Variants in WWTR1 observed in about 807,000 individuals in gnomAD.
WWTR1 encodes the protein WW domain-containing transcription regulator protein 1.
In WWTR1, 13 loss-of-function variants were observed where a neutral mutation model predicts 40.1. The observed-to-expected ratio is 0.32, with a 90% CI of 0.21 to 0.52. WWTR1 has a LOEUF of 0.52. Ranked by LOEUF, WWTR1 falls within the 20% of genes least tolerant of loss-of-function variation. The pLI, the probability that WWTR1 is intolerant of heterozygous loss-of-function variation, is 0.97. For synonymous variants in WWTR1, 230 were observed against 210.1 expected, an observed-to-expected ratio of 1.09 and a Z score of -0.82; for missense variants, 436 against 523.1, an observed-to-expected ratio of 0.83 and a Z score of 1.63.
intron 4 of WWTR1, among the ~76,000 whole-genome samples, chr3:149,530,759 A>C (rs1444592061): frequency 6.6e-6 from 1 of 152,198 alleles, no homozygotes; most frequent in Non-Finnish European, 1.5e-5. Flanking sequence ...AGAGAACAGA[A>C]GCTCTAGTCT....
chr3:149,703,880 C>A (rs535943550), upstream of WWTR1, among the ~76,000 whole-genome samples: 1 of 152,182 alleles, frequency 6.6e-6, no homozygotes, highest in Admixed American at 6.5e-5. Context: ...CAGATGCTGG[C>A]GCATGCTTCT....
In WWTR1 at chr3:149,543,580, C is replaced by CAAAAAAAAAAAA. The variant is rs755442408; in HGVS notation, c.569-1055_569-1044dup. ...CTGGTGACAAAGAAAGACTCTGTCT[C>CAAAAAAAAAAAA]AAAAAAAAAAAAAAAAAAAAAAAGA... is the stretch of plus-strand genomic sequence containing the variant. On this transcript the variant is annotated intron_variant, in intron 3 of 6. Coordinates refer to ENST00000360632, the MANE Select transcript of WWTR1 (RefSeq NM_015472.6). 4.8e-3 allele frequency among the ~76,000 whole-genome samples: 151 copies of CAAAAAAAAAAAA among 31,194 alleles called. 21 individuals carry two copies. Among genetic ancestry groups the CAAAAAAAAAAAA allele is most frequent in the East Asian group, 0.01 (8 of 800 alleles). 20.5% of individuals were successfully genotyped at this position (31,194 alleles called of 152,430 possible).
chr3:149,520,898 G>A lies in WWTR1; in HGVS notation c.1110C>T (p.Asp370=), dbSNP rs762326094. The A allele has an allele frequency of 6.2e-7, 1 of 1,613,632 alleles. No individual in the cohort carries two copies. The highest frequency in any genetic ancestry group is 1.1e-5 in the South Asian group (1 of 90,866). Residue 370 remains aspartate (D), a synonymous_variant, in exon 7 of 7, where the codon GAC becomes GAT. Transcript: ENST00000360632. ...GGTCTTCAGATTCCAAAGTTCCTAA[G>A]TCAACGTTTGTTCCTGGAAGACAGT... ...FLDCLPGTNV[D]LGTLESEDLI... is the part of the protein sequence containing the mutation.
At chr3:149,679,502 A>G (rs1347729208) in intron 1 of WWTR1, among the ~76,000 whole-genome samples, 1 of 152,170 alleles carries the variant, frequency 6.6e-6, no homozygotes, top group Non-Finnish European at 1.5e-5. Flanking sequence ...AGTAAACACA[A>G]GAGGAATTTA....
intron 1 of WWTR1, among the ~76,000 whole-genome samples, chr3:149,691,844 G>T (rs1451628269): frequency 6.6e-6 from 1 of 151,700 alleles, no homozygotes; most frequent in African/African-American, 2.4e-5. Flanking sequence ...GTGAAACCCC[G>T]TCTCTACTAA....
chr3:149,521,739 C>A (rs576340858), intron 6 of WWTR1, among the ~76,000 whole-genome samples: 1 of 152,136 alleles, frequency 6.6e-6, no homozygotes, highest in African/African-American at 2.4e-5. Flanking sequence ...TGGGATATGA[C>A]ATGAAGAATA....
intron 1 of WWTR1, among the ~76,000 whole-genome samples, chr3:149,688,220 G>A (rs78876300): frequency 1.3e-5 from 2 of 152,174 alleles, no homozygotes; most frequent in East Asian, 1.9e-4. Flanking sequence ...GCCCTGAAGG[G>A]AAAGACGCAA....
chr3:149,544,835 T>C (rs1455944768), intron 3 of WWTR1, among the ~76,000 whole-genome samples: 1 of 152,206 alleles, frequency 6.6e-6, no homozygotes, highest in Non-Finnish European at 1.5e-5. Flanking sequence ...CTTGCGTTAC[T>C]AAGAGGAAGG....
intron 2 of WWTR1, among the ~76,000 whole-genome samples, chr3:149,620,182 A>C (rs965997312): frequency 2.0e-5 from 3 of 152,166 alleles, no homozygotes; most frequent in Admixed American, 1.3e-4. Context: ...CCATATTCTT[A>C]ACCACTACAC....
upstream of WWTR1, among the ~76,000 whole-genome samples, chr3:149,662,296 C>T (rs1388250238): frequency 6.6e-6 from 1 of 152,146 alleles, no homozygotes; most frequent in Admixed American, 6.5e-5. Context: ...CATTTTAAAT[C>T]GTGTGATACT....
intron 3 of WWTR1, among the ~76,000 whole-genome samples, chr3:149,552,818 GC>G (rs1736667445): frequency 6.6e-6 from 1 of 152,164 alleles, no homozygotes; most frequent in Non-Finnish European, 1.5e-5. Context: ...CAAGTGTACG[GC>G]TTGAAGCAGA....
chr3:149,524,104 T>C (rs1397421056), intron 6 of WWTR1, among the ~76,000 whole-genome samples: 1 of 152,182 alleles, frequency 6.6e-6, no homozygotes, highest in African/African-American at 2.4e-5. Context: ...ACTCCCACTT[T>C]ATGGGTGAGA....
intron 3 of WWTR1, among the ~76,000 whole-genome samples, chr3:149,549,976 GCTCA>G (rs1736542506): frequency 6.6e-6 from 1 of 152,152 alleles, no homozygotes; most frequent in African/African-American, 2.4e-5. Context: ...ATAATAACTG[GCTCA>G]CTAATTATAA....
At chr3:149,691,291 T>C (rs1265902424) in intron 1 of WWTR1, among the ~76,000 whole-genome samples, 1 of 150,784 alleles carries the variant, frequency 6.6e-6, no homozygotes, top group African/African-American at 2.4e-5. Context: ...AACCCAAAAT[T>C]AGTAGAATAA....
chr3:149,529,617 G>C (rs1735476464), intron 4 of WWTR1, among the ~76,000 whole-genome samples: 1 of 152,134 alleles, frequency 6.6e-6, no homozygotes, highest in South Asian at 2.1e-4. Flanking sequence ...AGTGCCTTCT[G>C]AATAAACCTA....
intron 2 of WWTR1, among the ~76,000 whole-genome samples, chr3:149,606,253 C>T (rs897243704): frequency 2.6e-5 from 4 of 152,292 alleles, no homozygotes; most frequent in South Asian, 2.1e-4. Context: ...GACTGAGAAA[C>T]ATACTAATTA....
intron 1 of WWTR1, among the ~76,000 whole-genome samples, chr3:149,691,988 C>T (rs1026398331): frequency 5.9e-5 from 9 of 151,994 alleles, no homozygotes; most frequent in African/African-American, 2.2e-4. Flanking sequence ...TGCACTCCAG[C>T]CTGGGTGACA....
At chr3:149,591,979 T>C (rs1366199751) in intron 2 of WWTR1, among the ~76,000 whole-genome samples, 4 of 152,178 alleles carry the variant, frequency 2.6e-5, no homozygotes, top group African/African-American at 7.2e-5. Context: ...CTGCATCTGG[T>C]ATTTCCACCT....
chr3:149,689,542 T>A (rs1028880197), intron 1 of WWTR1, among the ~76,000 whole-genome samples: 1 of 151,206 alleles, frequency 6.6e-6, no homozygotes, highest in South Asian at 2.1e-4. Flanking sequence ...CATAAAGGAG[T>A]TCCAGTGGGA....
Sources: gnomAD v4.1 joint callset for allele counts (sites outside exome capture counted in the v4.1 genomes callset) on GRCh38, gnomAD v4.1.1 for gene constraint, MANE v1.5 for transcripts, NCBI Gene and HGNC (gene_info 2026-07-23, HGNC 2026-07-21) for gene names.